Variants in SRPK2 observed in about 807,000 individuals in gnomAD.
SRPK2 encodes SRSF protein kinase 2.
In SRPK2, 21 loss-of-function variants were observed where a neutral mutation model predicts 90.8. The ratio of observed to expected loss-of-function variants is 0.23; its 90% CI spans 0.16 to 0.33. The LOEUF (loss-of-function observed/expected upper bound fraction) is 0.33, where lower values mean the gene tolerates loss of function less well. Ranked by LOEUF, SRPK2 falls within the 10% of genes least tolerant of loss-of-function variation. SRPK2 has a pLI of 1.00. For synonymous variants in SRPK2, 288 were observed against 311.1 expected, an observed-to-expected ratio of 0.93 and a Z score of 0.78; for missense variants, 620 against 869.0, an observed-to-expected ratio of 0.71 and a Z score of 3.60.
intron 2 of SRPK2, among the ~76,000 whole-genome samples, chr7:105,371,586 C>CG (rs776694204): frequency 9.4e-6 from 1 of 106,752 alleles, no homozygotes; most frequent in Non-Finnish European, 1.7e-5. Context: ...CCCATCTCTA[C>CG]AAAAAAAAAA....
At chr7:105,285,039 T>C (rs753609106) in intron 2 of SRPK2, among the ~76,000 whole-genome samples, 5 of 152,198 alleles carry the variant, frequency 3.3e-5, no homozygotes, top group Non-Finnish European at 7.3e-5. Flanking sequence ...TCCAAGTTCT[T>C]CATTTTTATC....
At chr7:105,397,751 C>A (rs951277793) in intron 1 of SRPK2, among the ~76,000 whole-genome samples, 1 of 152,134 alleles carries the variant, frequency 6.6e-6, no homozygotes, top group Admixed American at 6.6e-5. Flanking sequence ...TCAAGAGATT[C>A]TCCTGCCTCA....
intron 2 of SRPK2, chr7:105,298,802 G>A (rs756639700): frequency 1.5e-5 from 15 of 985,458 alleles, no homozygotes; most frequent in Non-Finnish European, 1.8e-5. Flanking sequence ...CCGCTGTAAG[G>A]AGGGCTTCAC....
At chr7:105,364,407 T>TTTTTTTTTTTG (rs1554523251) in intron 2 of SRPK2, among the ~76,000 whole-genome samples, 3 of 148,448 alleles carry the variant, frequency 2.0e-5, no homozygotes, top group Non-Finnish European at 4.5e-5. Flanking sequence ...TGTGTAACGT[T>TTTTTTTTTTTG]TTTTTTTTTT....
At chr7:105,208,426 A>G (rs973811140) in intron 2 of SRPK2, among the ~76,000 whole-genome samples, 1 of 152,232 alleles carries the variant, frequency 6.6e-6, no homozygotes, top group Non-Finnish European at 1.5e-5. Flanking sequence ...GGGGTATATC[A>G]TTACAAGGGA....
At chr7:105,259,097 GTC>G (rs1344109935) in intron 2 of SRPK2, among the ~76,000 whole-genome samples, 1 of 152,120 alleles carries the variant, frequency 6.6e-6, no homozygotes, top group African/African-American at 2.4e-5. Context: ...AAGTCAAATT[GTC>G]TCTGTTTGCA....
chr7:105,318,940 G>C (rs1304287120), intron 2 of SRPK2, among the ~76,000 whole-genome samples: 1 of 152,104 alleles, frequency 6.6e-6, no homozygotes, highest in Non-Finnish European at 1.5e-5. Flanking sequence ...ATGATGACAA[G>C]CCGACCTATA....
At chr7:105,198,786 TAATA>T (rs1456983083) in intron 3 of SRPK2, among the ~76,000 whole-genome samples, 1 of 152,186 alleles carries the variant, frequency 6.6e-6, no homozygotes, top group Non-Finnish European at 1.5e-5. Flanking sequence ...GTATTAACAT[TAATA>T]TAATATAAAT....
chr7:105,225,014 C>T (rs745695052), intron 2 of SRPK2, among the ~76,000 whole-genome samples: 7 of 152,110 alleles, frequency 4.6e-5, no homozygotes, highest in Non-Finnish European at 1.0e-4. Context: ...GTTAAATTTA[C>T]CTAGAAGACT....
chr7:105,313,821 T>G (rs1812006923), intron 2 of SRPK2, among the ~76,000 whole-genome samples: 1 of 152,140 alleles, frequency 6.6e-6, no homozygotes, highest in Admixed American at 6.6e-5. Context: ...TGTATATATC[T>G]TGAACTCCTT....
chr7:105,125,872 G>C (rs1584871949), intron 15 of SRPK2: 2 of 1,300,402 alleles, frequency 1.5e-6, no homozygotes, highest in South Asian at 1.2e-5. Context: ...AATGCTATGT[G>C]ATCTGCATTG....
chr7:105,259,931 C>T (rs1803964676), intron 2 of SRPK2, among the ~76,000 whole-genome samples: 1 of 152,114 alleles, frequency 6.6e-6, no homozygotes. Context: ...ACCATAAAAA[C>T]CCTAGAAGAA....
chr7:105,225,491 C>T (rs2129617854), intron 2 of SRPK2, among the ~76,000 whole-genome samples: 1 of 152,298 alleles, frequency 6.6e-6, no homozygotes, highest in South Asian at 2.1e-4. Context: ...CATTAGCCAG[C>T]CTCTCCAACA....
At chr7:105,336,651 A>G (rs79171519) in intron 2 of SRPK2, among the ~76,000 whole-genome samples, 2,060 of 152,326 alleles carry the variant, frequency 0.014, 25 homozygotes, top group African/African-American at 0.034. Flanking sequence ...ACATTGAGGA[A>G]AGAGTCTGTT....
intron 2 of SRPK2, among the ~76,000 whole-genome samples, chr7:105,367,798 C>T (rs1439325673): frequency 1.3e-5 from 2 of 152,134 alleles, no homozygotes; most frequent in Admixed American, 6.6e-5. Flanking sequence ...AACAGGCTAG[C>T]ATCTACAAAT....
At chr7:105,158,053 A>G (rs1806794297) in intron 7 of SRPK2, among the ~76,000 whole-genome samples, 1 of 152,188 alleles carries the variant, frequency 6.6e-6, no homozygotes, top group Non-Finnish European at 1.5e-5. Flanking sequence ...TAACAGAGGA[A>G]GACCCTGTCT....
intron 2 of SRPK2, among the ~76,000 whole-genome samples, chr7:105,232,406 C>T (rs1799536148): frequency 6.7e-6 from 1 of 148,548 alleles, no homozygotes; most frequent in Admixed American, 6.8e-5. Flanking sequence ...TTGCGGTGAG[C>T]CGAGATCGCG....
intron 15 of SRPK2, 42 bp from the exon 16 acceptor site, chr7:105,118,064 T>G (rs1248751603): frequency 1.2e-6 from 2 of 1,601,868 alleles, no homozygotes; most frequent in Non-Finnish European, 1.7e-6. Context: ...AAGCTCCAAA[T>G]CTGCATTCCC....
chr7:105,192,419 C>T (rs905964736), intron 3 of SRPK2, among the ~76,000 whole-genome samples: 1 of 152,260 alleles, frequency 6.6e-6, no homozygotes, highest in East Asian at 1.9e-4. Flanking sequence ...ACTCCACACA[C>T]ACCACAGTTT....
Sources: gnomAD v4.1 joint callset for allele counts (sites outside exome capture counted in the v4.1 genomes callset) on GRCh38, gnomAD v4.1.1 for gene constraint, MANE v1.5 for transcripts, NCBI Gene and HGNC (gene_info 2026-07-23, HGNC 2026-07-21) for gene names.